Variants in STK32B observed in about 807,000 individuals in gnomAD.
The protein encoded by STK32B is serine/threonine-protein kinase 32B.
Under a neutral mutation model 52.6 loss-of-function variants are expected in STK32B, and 43 were observed. The ratio of observed to expected loss-of-function variants is 0.82; its 90% CI spans 0.64 to 1.05. STK32B has a LOEUF of 1.05. Ranked by LOEUF, STK32B falls within the 50% of genes least tolerant of loss-of-function variation. The pLI is 0.00. For synonymous variants in STK32B, 238 were observed against 204.3 expected (o/e 1.17, Z -1.41); for missense variants, 621 against 534.6 (o/e 1.16, Z -1.59).
chr4:5,365,714 C>T (rs1449663385), intron 4 of STK32B, among the ~76,000 whole-genome samples: 12 of 152,230 alleles, frequency 7.9e-5, no homozygotes, highest in South Asian at 2.1e-4. Flanking sequence ...CCCATTTTCC[C>T]GTGGAGCATT....
intron 3 of STK32B, among the ~76,000 whole-genome samples, chr4:5,238,681 A>C (rs2108814320): frequency 6.6e-6 from 1 of 152,314 alleles, no homozygotes; most frequent in Non-Finnish European, 1.5e-5. Context: ...TTTAGCCGTG[A>C]AAAATACAAA....
rs150611999 is a variant in STK32B at position 5,416,242 on chromosome 4, T to C, written c.473-603T>C. On this transcript the variant is annotated intron_variant, in intron 5 of 11. Transcript: ENST00000282908. ...TTTATCTGCACATCACTTAGTTTCC[T>C]TCCCTTCTTCTCTTTCCCTTTTCCT... Among the ~76,000 whole-genome samples, 137 of 152,276 alleles carry C rather than the reference T, an allele frequency of 9.0e-4. 1 individual carries two copies. The highest frequency in any genetic ancestry group is 3.2e-3 in the African/African-American group (132 of 41,546).
chr4:5,155,433 GCA>G (rs1717739886), intron 2 of STK32B, among the ~76,000 whole-genome samples: 1 of 152,048 alleles, frequency 6.6e-6, no homozygotes, highest in African/African-American at 2.4e-5. Context: ...CAGTATACAT[GCA>G]CACACACACT....
rs182703361 is a variant in STK32B, at chr4:5,066,033, A to C, written c.52+14118A>C. On this transcript the variant is annotated intron_variant, in intron 1 of 11. Transcript: ENST00000282908. ...GCCACCATGCCTGGCCAGACTCAAT[A>C]ATTTTTTACCTTAATTCACATTTCT... Among the ~76,000 whole-genome samples, 363 of 152,134 alleles carry C rather than the reference A, an allele frequency of 2.4e-3. 2 individuals are homozygous for C. Among genetic ancestry groups the C allele is most frequent in the Middle Eastern group, 6.8e-3 (2 of 294 alleles).
chr4:5,460,204 A>G lies in STK32B; in HGVS notation c.885A>G (p.Ala295=), dbSNP rs960500417. 4 of 1,613,478 alleles carry G rather than the reference A, an allele frequency of 2.5e-6. No individual in the cohort carries two copies. In the African/African-American group the frequency reaches 5.3e-5, roughly 22 times the overall value. Residue 295 remains alanine (A), a synonymous_variant, in exon 9 of 12, where the codon GCA becomes GCG. Transcript: ENST00000282908. This position sits in a 1 kb window ranked among gnomAD's most constrained non-coding sequence, Gnocchi z 4.8. ...DMNWDAVFKK[A]LMPGFVPNKG... is the part of the protein sequence containing the mutation. ...ACTGGGACGCGGTGTTCAAGAAGGC[A>G]CTGATGCCCGGCTTTGTGCCCAATG...
rs990265952 is a variant in STK32B at position 5,135,230 on chromosome 4, C to A, written c.53-4675C>A. ...TGCTTAACCTTTATTAATTAAGATA[C>A]CATGTACAACACTATGAGGTAGGTG... is the stretch of plus-strand genomic sequence containing the variant. On this transcript the variant is annotated intron_variant, in intron 1 of 11. Coordinates refer to ENST00000282908, the MANE Select transcript of STK32B (RefSeq NM_018401.3). Among the ~76,000 whole-genome samples, 7 of 152,170 alleles carry A rather than the reference C, an allele frequency of 4.6e-5. No individual in the cohort carries two copies. The South Asian group carries it at 1.4e-3, about 32-fold the overall frequency.
At chr4:5,356,691 G>A (rs75731422) in intron 4 of STK32B, among the ~76,000 whole-genome samples, 4,177 of 152,160 alleles carry the variant, frequency 0.027, 197 homozygotes, top group African/African-American at 0.092. Context: ...CTCAGCACAC[G>A]GTAGGTGTTT....
chr4:5,443,827 C>T (rs1400616666), intron 6 of STK32B, among the ~76,000 whole-genome samples: 3 of 152,072 alleles, frequency 2.0e-5, no homozygotes, highest in African/African-American at 7.2e-5. Context: ...ACAGACAGGA[C>T]CCTCAGCTGC....
chr4:5,355,106 C>T (rs1029021295), intron 4 of STK32B, among the ~76,000 whole-genome samples: 5 of 152,174 alleles, frequency 3.3e-5, no homozygotes, highest in African/African-American at 2.4e-5. Context: ...TGTTTCTATC[C>T]GTGAAGTTTG....
chr4:5,299,811 C>T (rs1003950421), intron 3 of STK32B, among the ~76,000 whole-genome samples: 12 of 152,068 alleles, frequency 7.9e-5, no homozygotes, highest in Non-Finnish European at 1.8e-4. Context: ...AACCTGTCAA[C>T]CAAAAAGAGC....
chr4:5,468,220 G>A (rs1717593092), intron 11 of STK32B, 150 bp downstream of exon 11: 1 of 748,618 alleles, frequency 1.3e-6, no homozygotes, highest in Non-Finnish European at 2.2e-6. Context: ...CTGGTGGGGG[G>A]TGAAACTCCT....
the STK32B span, among the ~76,000 whole-genome samples, chr4:5,023,731 G>A: frequency 9.9e-5 from 15 of 152,060 alleles, no homozygotes; most frequent in South Asian, 1.7e-3. Context: ...CACGATTAAC[G>A]CCTCTCTGTC....
chr4:5,374,034 T>C (rs1282154962), intron 4 of STK32B, among the ~76,000 whole-genome samples: 1 of 152,198 alleles, frequency 6.6e-6, no homozygotes. Flanking sequence ...CAATGACTGA[T>C]GTCTTTATAA....
intron 3 of STK32B, among the ~76,000 whole-genome samples, chr4:5,223,667 A>G (rs1723679330): frequency 6.6e-6 from 1 of 151,702 alleles, no homozygotes; most frequent in African/African-American, 2.4e-5. Flanking sequence ...CAAAAACAAA[A>G]TTAGCCAGGC....
intron 3 of STK32B, among the ~76,000 whole-genome samples, chr4:5,239,722 C>CTTTAAT (rs1259874332): frequency 6.6e-6 from 1 of 151,814 alleles, no homozygotes; most frequent in East Asian, 1.9e-4. Flanking sequence ...TGGCTGGCAG[C>CTTTAAT]TTTAATTATT....
intron 4 of STK32B, among the ~76,000 whole-genome samples, chr4:5,356,207 C>T (rs528756728): frequency 1.3e-5 from 2 of 152,134 alleles, no homozygotes; most frequent in Non-Finnish European, 2.9e-5. Context: ...ATTCCTCAGC[C>T]TGTGGCAGCA....
chr4:5,113,442 A>C (rs1296739282), intron 1 of STK32B, among the ~76,000 whole-genome samples: 1 of 152,200 alleles, frequency 6.6e-6, no homozygotes, highest in African/African-American at 2.4e-5. Context: ...GCAGCACACA[A>C]AGCTTCTTGC....
At chr4:5,102,350 G>A (rs929027150) in intron 1 of STK32B, among the ~76,000 whole-genome samples, 2 of 152,196 alleles carry the variant, frequency 1.3e-5, no homozygotes, top group African/African-American at 4.8e-5. Context: ...CAAACCAAGA[G>A]AGGGTGGCCA....
Position 5,255,312 on chromosome 4 carries a change from G to C in STK32B, c.261-75908G>C, listed in dbSNP as rs1726221065. Among the ~76,000 whole-genome samples, 3 of 152,106 alleles carry C rather than the reference G, an allele frequency of 2.0e-5. No individual in the cohort carries two copies. In the South Asian group the frequency reaches 6.2e-4, roughly 32 times the overall value. ...TGTAGAAAATTTAATGAGATTTGAT[G>C]TCTAAAAAGATGAATTGCTTGCATC... is the stretch of plus-strand genomic sequence containing the variant. On this transcript the variant is annotated intron_variant, in intron 3 of 11. Transcript: ENST00000282908.
Sources: allele counts gnomAD v4.1 joint callset (sites outside exome capture counted in the v4.1 genomes callset), GRCh38; gene constraint gnomAD v4.1.1; non-coding constraint Gnocchi (gnomAD v3.1); transcripts MANE v1.5; gene names NCBI Gene and HGNC (gene_info 2026-07-23, HGNC 2026-07-21).